Variants in PRH1 observed in about 807,000 individuals in gnomAD.
The protein encoded by PRH1 is salivary acidic proline-rich phosphoprotein 1/2.
Under a neutral mutation model 7.9 loss-of-function variants are expected in PRH1, and 7 were observed. The ratio of observed to expected loss-of-function variants is 0.89; its 90% confidence interval spans 0.50 to 1.67. The LOEUF (loss-of-function observed/expected upper bound fraction) is 1.67. Among genes scored for constraint, PRH1 ranks in the 40% most tolerant of loss-of-function variants. The pLI is 0.00. For synonymous variants in PRH1, 45 were observed against 80.8 expected (o/e 0.56, Z 2.38); for missense variants, 109 against 223.6 (o/e 0.49, Z 3.27).
intron 1 of PRH1, among the ~76,000 whole-genome samples, chr12:11,129,151 G>A (rs2597929): frequency 0.56 from 74,061 of 133,436 alleles, 16,575 homozygotes; most frequent in Non-Finnish European, 0.63. Context: ...CTGCTCTCAA[G>A]GGATCTTCAC....
chr12:11,018,055 A>T (rs2136058785), intron 1 of PRH1, among the ~76,000 whole-genome samples: 1 of 152,298 alleles, frequency 6.6e-6, no homozygotes, highest in Admixed American at 6.5e-5. Context: ...TCTACAGCAG[A>T]TACAGGGTCT....
In PRH1 at chr12:10,986,201, G is replaced by A. The variant is rs778887685; in HGVS notation, c.-125-12480C>T. 4.3e-6 allele frequency: 7 copies of A among 1,614,102 alleles called. No individual in the cohort carries two copies. The South Asian group carries it at 4.4e-5, about 10-fold the overall frequency. The stretch of plus-strand genomic sequence containing the variant: ...GCAAAGCTTTTATGTGGACCTTGGT[G>A]CTGAGATCTTGCGATCCTTCTCCAT... On this transcript the variant is annotated intron_variant, in intron 1 of 3. Transcript: ENST00000539853.
At chr12:11,081,208 G>A (rs75548902) in intron 1 of PRH1, among the ~76,000 whole-genome samples, 4 of 112,620 alleles carry the variant, frequency 3.6e-5, no homozygotes. Context: ...TTCATTCTGT[G>A]TAGCTATCTT....
chr12:11,009,523 A>G (rs1006366705), intron 1 of PRH1, among the ~76,000 whole-genome samples: 24 of 151,958 alleles, frequency 1.6e-4, no homozygotes, highest in African/African-American at 5.8e-4. Flanking sequence ...TATGTTAGAT[A>G]TTCTGACCAT....
At chr12:11,027,343 A>C (rs1941966817) in intron 1 of PRH1, among the ~76,000 whole-genome samples, 1 of 151,010 alleles carries the variant, frequency 6.6e-6, no homozygotes, top group African/African-American at 2.5e-5. Flanking sequence ...CTATAGTAAA[A>C]TACTCTAACG....
intron 1 of PRH1, chr12:11,030,914 G>T (rs1204487243): frequency 6.2e-7 from 1 of 1,614,070 alleles, no homozygotes; most frequent in Non-Finnish European, 8.5e-7. Flanking sequence ...AAGTTGACAA[G>T]CCAAAAATAG....
chr12:10,972,937 C>CCCCA (rs1555119332), intron 2 of PRH1, among the ~76,000 whole-genome samples: 2 of 126,384 alleles, frequency 1.6e-5, no homozygotes, highest in African/African-American at 5.7e-5. Context: ...AACCCACCCC[C>CCCCA]CCCGCCCGCC....
intron 1 of PRH1, chr12:11,166,127 G>C (rs999355842): frequency 6.6e-6 from 1 of 152,284 alleles, no homozygotes; most frequent in Admixed American, 6.5e-5. Context: ...AGTAGCAACA[G>C]ATGGCTTTCA....
chr12:10,991,490 G>A (rs1273278362), intron 1 of PRH1, among the ~76,000 whole-genome samples: 1 of 151,970 alleles, frequency 6.6e-6, no homozygotes, highest in Non-Finnish European at 1.5e-5. Context: ...CATTATTGAT[G>A]CTCCGACCTT....
intron 2 of PRH1, among the ~76,000 whole-genome samples, chr12:10,902,547 A>C (rs1949737596): frequency 6.6e-6 from 1 of 152,154 alleles, no homozygotes; most frequent in Admixed American, 6.5e-5. Flanking sequence ...TAGGAAATGA[A>C]CATCACCAAA....
At chr12:11,005,252 T>C (rs1049474022) in intron 1 of PRH1, among the ~76,000 whole-genome samples, 1 of 152,178 alleles carries the variant, frequency 6.6e-6, no homozygotes, top group African/African-American at 2.4e-5. Flanking sequence ...CATACTGATG[T>C]TGAAGTGAAA....
intron 2 of PRH1, among the ~76,000 whole-genome samples, chr12:10,972,177 A>C (rs1938847307): frequency 6.6e-6 from 1 of 152,182 alleles, no homozygotes; most frequent in African/African-American, 2.4e-5. Flanking sequence ...GGAAAATACA[A>C]ATTCCACCAT....
rs2923234 is a variant in PRH1 at position 10,930,685 on chromosome 12, A to C, written c.-59+42970T>G. Reference sequence around the variant, plus strand: ...AGATGGAGGAGACTCTGAGCAGTTCATAGATGAGGAGCGTCAGGGACCACC... The same window carrying C: ...AGATGGAGGAGACTCTGAGCAGTTCCTAGATGAGGAGCGTCAGGGACCACC... On this transcript the variant is annotated intron_variant, in intron 2 of 3. Coordinates refer to the PRH1 transcript ENST00000539853. 8.8e-4 allele frequency: 1,402 copies of C among 1,596,668 alleles called. 8 individuals are homozygous for C. The highest frequency in any genetic ancestry group is 4.3e-3 in the African/African-American group (314 of 73,240).
chr12:10,937,874 T>A (rs1033290626), intron 2 of PRH1: 2 of 160,680 alleles, frequency 1.2e-5, no homozygotes, highest in African/African-American at 4.8e-5. Context: ...AAATTCCATA[T>A]TCTTTTATGT....
At chr12:11,171,225 A>T (rs1947831316) in intron 1 of PRH1, 5 of 507,134 alleles carry the variant, frequency 9.9e-6, no homozygotes, top group Non-Finnish European at 1.2e-5. Context: ...GAGCGGCGGC[A>T]GCGGCAAGCT....
At chr12:11,032,029 T>C (rs1186355418) in intron 1 of PRH1, among the ~76,000 whole-genome samples, 1 of 152,236 alleles carries the variant, frequency 6.6e-6, no homozygotes, top group East Asian at 1.9e-4. Context: ...CAATGATCTC[T>C]TTATGGAAAA....
At chr12:10,898,511 C>T (rs938395253) in intron 2 of PRH1, among the ~76,000 whole-genome samples, 1 of 152,050 alleles carries the variant, frequency 6.6e-6, no homozygotes, top group African/African-American at 2.4e-5. Context: ...TTCTTTGTTC[C>T]AGCCCTCTAG....
chr12:10,902,789 G>A (rs994822760), intron 2 of PRH1, among the ~76,000 whole-genome samples: 1 of 152,004 alleles, frequency 6.6e-6, no homozygotes, highest in Non-Finnish European at 1.5e-5. Context: ...TATAACTGAA[G>A]GAGAAATAAA....
At chr12:10,989,466 A>G (rs1939818601) in intron 1 of PRH1, among the ~76,000 whole-genome samples, 1 of 152,198 alleles carries the variant, frequency 6.6e-6, no homozygotes, top group South Asian at 2.1e-4. Context: ...TAGAAAGATA[A>G]TTACAGGGTC....
Sources: allele counts gnomAD v4.1 joint callset (sites outside exome capture counted in the v4.1 genomes callset), GRCh38; gene constraint gnomAD v4.1.1; transcripts MANE v1.5; gene names NCBI Gene and HGNC (gene_info 2026-07-23, HGNC 2026-07-21).